GNAQ: variants seen among roughly 807,000 people sequenced by gnomAD.
GNAQ encodes G protein subunit alpha q, also known as guanine nucleotide-binding protein G(q) subunit alpha.
In GNAQ, 8 loss-of-function variants were observed where a neutral mutation model predicts 43.9. That is an observed-to-expected ratio of 0.18 (90% CI 0.11 to 0.33). The LOEUF is 0.33. Among genes scored for constraint, GNAQ ranks in the 10% least tolerant of loss-of-function variants. The pLI is 1.00. For synonymous variants in GNAQ, 155 were observed against 170.7 expected, an observed-to-expected ratio of 0.91 and a Z score of 0.71; for missense variants, 158 against 450.8, an observed-to-expected ratio of 0.35 and a Z score of 5.88.
chr9:77,866,857 C>A (rs1827958770), intron 2 of GNAQ, among the ~76,000 whole-genome samples: 1 of 152,144 alleles, frequency 6.6e-6, no homozygotes, highest in Non-Finnish European at 1.5e-5. Context: ...ACACAGTCGT[C>A]ATCTGGAGTT....
chr9:77,753,271 A>G (rs1437917668), intron 5 of GNAQ, among the ~76,000 whole-genome samples: 2 of 152,096 alleles, frequency 1.3e-5, no homozygotes, highest in African/African-American at 4.8e-5. Flanking sequence ...ACACACATAC[A>G]CATGCGCGTG....
intron 2 of GNAQ, among the ~76,000 whole-genome samples, chr9:77,836,180 A>G (rs1827381140): frequency 1.3e-5 from 2 of 148,506 alleles, no homozygotes; most frequent in African/African-American, 2.5e-5. Flanking sequence ...GCCTTCTCCT[A>G]TTTTTTTTTT....
At chr9:77,860,654 T>A (rs146700309) in intron 2 of GNAQ, among the ~76,000 whole-genome samples, 75 of 152,316 alleles carry the variant, frequency 4.9e-4, no homozygotes, top group African/African-American at 1.8e-3. Flanking sequence ...CAGGCAGTAA[T>A]ACTCAGGCAG....
chr9:77,783,439 T>C (rs1249973216), intron 5 of GNAQ, among the ~76,000 whole-genome samples: 4 of 152,222 alleles, frequency 2.6e-5, no homozygotes, highest in Non-Finnish European at 5.9e-5. Context: ...AATAAGCCGT[T>C]ATTTTTTAAA....
intron 6 of GNAQ, among the ~76,000 whole-genome samples, chr9:77,722,124 G>A (rs532697634): frequency 1.3e-4 from 19 of 151,476 alleles, no homozygotes; most frequent in Non-Finnish European, 2.8e-4. Context: ...TAAAACAATT[G>A]GTTTATATTT....
At chr9:77,877,983 G>A (rs1421604932) in intron 2 of GNAQ, among the ~76,000 whole-genome samples, 4 of 152,024 alleles carry the variant, frequency 2.6e-5, no homozygotes, top group Non-Finnish European at 5.9e-5. Flanking sequence ...CCTTTGAACT[G>A]TACACCACAA....
chr9:77,866,451 A>G (rs936261237), intron 2 of GNAQ, among the ~76,000 whole-genome samples: 3 of 152,176 alleles, frequency 2.0e-5, no homozygotes, highest in Non-Finnish European at 4.4e-5. Context: ...AAATAAATAA[A>G]TAATTAAAAA....
At chr9:77,844,446 A>G (rs1237178696) in intron 2 of GNAQ, among the ~76,000 whole-genome samples, 1 of 152,150 alleles carries the variant, frequency 6.6e-6, no homozygotes, top group African/African-American at 2.4e-5. Context: ...ACCAGAGACA[A>G]ATGCATAGGA....
intron 2 of GNAQ, among the ~76,000 whole-genome samples, chr9:77,921,190 C>T (rs1310059584): frequency 6.6e-6 from 1 of 152,160 alleles, no homozygotes; most frequent in Admixed American, 6.5e-5. Context: ...AGACTGCATC[C>T]ATGGGGGATG....
intron 4 of GNAQ, 149 bp downstream of exon 4, chr9:77,797,371 T>C (rs1286686857): frequency 1.5e-5 from 10 of 675,758 alleles, no homozygotes; most frequent in Non-Finnish European, 2.3e-5. Flanking sequence ...CTCAGGGATA[T>C]GTCATTTTAT....
chr9:77,806,753 G>A (rs904814732), intron 3 of GNAQ, among the ~76,000 whole-genome samples: 11 of 152,090 alleles, frequency 7.2e-5, no homozygotes, highest in East Asian at 1.9e-4. Flanking sequence ...CAACTTTTAC[G>A]GAAAGTCTAC....
chr9:77,959,007 T>C (rs1039627863), intron 1 of GNAQ, among the ~76,000 whole-genome samples: 5 of 152,176 alleles, frequency 3.3e-5, no homozygotes, highest in African/African-American at 1.2e-4. Context: ...AATGAGCATT[T>C]TATTGTGCAT....
chr9:77,854,156 A>C (rs942409329), intron 2 of GNAQ, among the ~76,000 whole-genome samples: 2 of 152,196 alleles, frequency 1.3e-5, no homozygotes, highest in African/African-American at 4.8e-5. Flanking sequence ...GAGGACTATG[A>C]AGTTTGCTTC....
chr9:77,943,518 C>T (rs1463949239), intron 1 of GNAQ, among the ~76,000 whole-genome samples: 2 of 152,090 alleles, frequency 1.3e-5, no homozygotes, highest in Admixed American at 6.6e-5. Context: ...ACTGGATAAA[C>T]TCAAAAGTGT....
intron 5 of GNAQ, among the ~76,000 whole-genome samples, chr9:77,768,430 C>T (rs531379883): frequency 6.6e-6 from 1 of 152,284 alleles, no homozygotes; most frequent in East Asian, 1.9e-4. Flanking sequence ...TGATATTCAA[C>T]TCAGAGACAG....
At position 77,793,576 on chromosome 9, in the gene GNAQ, G is replaced by A. The variant is rs143903756; in HGVS notation, c.735+887C>T. 2.0e-3 allele frequency among the ~76,000 whole-genome samples: 303 copies of A among 152,080 alleles called. 1 individual carries two copies. The highest frequency in any genetic ancestry group is 3.0e-3 in the Admixed American group (46 of 15,268). ...CTAGATCCTATTTTAGTCAGCAAAC[G>A]GGGATCTCTCACTTCCTTCTTTTTT... On this transcript the variant is annotated intron_variant, in intron 5 of 6. Coordinates refer to ENST00000286548, the MANE Select transcript of GNAQ (RefSeq NM_002072.5).
At chr9:77,902,167 T>G (rs1380607679) in intron 2 of GNAQ, among the ~76,000 whole-genome samples, 1 of 152,246 alleles carries the variant, frequency 6.6e-6, no homozygotes, top group African/African-American at 2.4e-5. Context: ...TAAAACTCAC[T>G]GGCTGATGCA....
intron 5 of GNAQ, among the ~76,000 whole-genome samples, chr9:77,743,675 T>C (rs1316952219): frequency 6.6e-6 from 1 of 152,090 alleles, no homozygotes; most frequent in African/African-American, 2.4e-5. Flanking sequence ...AACTGACTGA[T>C]AGCTATGCCA....
chr9:77,730,839 T>A (rs1293670464), intron 5 of GNAQ, among the ~76,000 whole-genome samples: 1 of 152,216 alleles, frequency 6.6e-6, no homozygotes, highest in African/African-American at 2.4e-5. Context: ...TGAGATTTTA[T>A]AGGCTGAATG....
Sources: allele counts gnomAD v4.1 joint callset (sites outside exome capture counted in the v4.1 genomes callset), GRCh38; gene constraint gnomAD v4.1.1; transcripts MANE v1.5; gene names NCBI Gene and HGNC (gene_info 2026-07-23, HGNC 2026-07-21).